TNIK: variants seen among roughly 807,000 people sequenced by gnomAD.
TNIK encodes the protein TRAF2 and NCK-interacting protein kinase.
Under a neutral mutation model 191.3 loss-of-function variants are expected in TNIK, and 49 were observed. The observed-to-expected ratio is 0.26, with a 90% CI of 0.20 to 0.32. TNIK has a LOEUF of 0.32. Among genes scored for constraint, TNIK ranks in the 10% least tolerant of loss-of-function variants. The pLI is 1.00. For synonymous variants in TNIK, 594 were observed against 600.9 expected (o/e 0.99, Z 0.17); for missense variants, 1,155 against 1,702.3 (o/e 0.68, Z 5.66).
intron 3 of TNIK, among the ~76,000 whole-genome samples, chr3:171,213,522 CAG>C (rs1427683568): frequency 6.6e-6 from 1 of 151,904 alleles, no homozygotes; most frequent in Non-Finnish European, 1.5e-5. Flanking sequence ...GTGGGAAAGA[CAG>C]GGGAGGGGGG....
intron 1 of TNIK, among the ~76,000 whole-genome samples, chr3:171,457,239 T>C (rs1728892862): frequency 6.6e-6 from 1 of 152,268 alleles, no homozygotes. Flanking sequence ...GTTTAAATTA[T>C]GCATTGTTGC....
intron 7 of TNIK, among the ~76,000 whole-genome samples, chr3:171,179,660 C>T (rs746631764): frequency 3.3e-5 from 5 of 152,112 alleles, no homozygotes; most frequent in African/African-American, 4.8e-5. Context: ...CAGTGTTAGT[C>T]AGGATGGTCT....
chr3:171,343,853 G>A (rs1489625954), intron 2 of TNIK, among the ~76,000 whole-genome samples: 1 of 152,110 alleles, frequency 6.6e-6, no homozygotes. Context: ...TACCCAAAAG[G>A]CATAAATGAG....
At chr3:171,292,677 G>A (rs2108241353) in intron 2 of TNIK, among the ~76,000 whole-genome samples, 1 of 150,908 alleles carries the variant, frequency 6.6e-6, no homozygotes, top group East Asian at 1.9e-4. Flanking sequence ...TCGGGAGGCT[G>A]AGGCAGGAGA....
At chr3:171,422,842 T>C (rs1724009409) in intron 1 of TNIK, among the ~76,000 whole-genome samples, 1 of 152,232 alleles carries the variant, frequency 6.6e-6, no homozygotes, top group Non-Finnish European at 1.5e-5. Context: ...CTTTGAACAA[T>C]GGATATCTTC....
intron 2 of TNIK, among the ~76,000 whole-genome samples, chr3:171,276,911 T>C (rs1405404514): frequency 6.6e-6 from 1 of 152,230 alleles, no homozygotes; most frequent in Non-Finnish European, 1.5e-5. Context: ...TAAATTCCTA[T>C]CTATTTTAGC....
Position 171,125,894 on chromosome 3 carries a change from C to A in TNIK, c.2013+18G>T. 6.2e-7 allele frequency: 1 copy of A among 1,612,844 alleles called. No homozygotes were observed. The highest frequency in any genetic ancestry group is 8.5e-7 in the Non-Finnish European group (1 of 1,179,500). On this transcript the variant is annotated intron_variant, in intron 17 of 32. Transcript: ENST00000436636. The stretch of plus-strand genomic sequence containing the variant: ...CAGTGATGCTGGTGATTAAAAAAAA[C>A]ACCCCAGTAAATATTACCTTTGGTG...
intron 2 of TNIK, among the ~76,000 whole-genome samples, chr3:171,335,592 A>G (rs1756878520): frequency 6.6e-6 from 1 of 152,212 alleles, no homozygotes; most frequent in Non-Finnish European, 1.5e-5. Flanking sequence ...TGTTGCATGT[A>G]TCAGTAGCTC....
At chr3:171,377,210 C>T (rs11922815) in intron 1 of TNIK, among the ~76,000 whole-genome samples, 17,382 of 152,232 alleles carry the variant, frequency 0.11, 1,105 homozygotes, top group Middle Eastern at 0.2. Context: ...ACTGGCAGAA[C>T]ACAGCCAAAC....
intron 4 of TNIK, among the ~76,000 whole-genome samples, chr3:171,195,956 T>C (rs956055472): frequency 6.6e-5 from 10 of 152,216 alleles, no homozygotes; most frequent in African/African-American, 1.9e-4. Context: ...TGGTGAAAGA[T>C]GGGATAATCT....
At chr3:171,183,967 T>C (rs917217358) in intron 7 of TNIK, among the ~76,000 whole-genome samples, 1 of 144,644 alleles carries the variant, frequency 6.9e-6, no homozygotes, top group Non-Finnish European at 1.5e-5. Context: ...AATACTTCCA[T>C]ATGATAACAT....
intron 1 of TNIK, among the ~76,000 whole-genome samples, chr3:171,447,304 CAAG>C (rs1727631870): frequency 8.4e-6 from 1 of 119,388 alleles, no homozygotes; most frequent in Admixed American, 8.0e-5. Context: ...AGGTTTTAGG[CAAG>C]AAAAAAAAAA....
Position 171,060,812 on chromosome 3 carries a change from C to T in TNIK, c.*3069G>A, listed in dbSNP as rs1717747409. Among the ~76,000 whole-genome samples the T allele has an allele frequency of 6.6e-6, 1 of 152,078 alleles. No homozygotes were observed. Among genetic ancestry groups the T allele is most frequent in the Non-Finnish European group, 1.5e-5 (1 of 68,010 alleles). On this transcript the variant is annotated 3_prime_UTR_variant, in exon 33 of 33. Coordinates refer to ENST00000436636, the MANE Select transcript of TNIK (RefSeq NM_015028.4). ...GCACCCAGGAATGATGGTCACCTGC[C>T]AGACCCCAGACCCAGACTATGGTGT...
intron 23 of TNIK, among the ~76,000 whole-genome samples, chr3:171,091,254 A>G (rs898909448): frequency 2.0e-5 from 3 of 152,196 alleles, no homozygotes; most frequent in Non-Finnish European, 2.9e-5. Flanking sequence ...GGACCTGAAC[A>G]AAACAAAAGG....
In TNIK at chr3:171,380,699, T is replaced by G. The variant is rs552981578; in HGVS notation, c.58-11014A>C. On this transcript the variant is annotated intron_variant, in intron 1 of 32. Coordinates refer to ENST00000436636, the MANE Select transcript of TNIK (RefSeq NM_015028.4). ...CCTCTTCACAATACAGTGAGCTTCC[T>G]TCTTTGCCCTTTGCAGAGGGAACCT... Among the ~76,000 whole-genome samples the G allele has an allele frequency of 3.0e-3, 380 of 124,696 alleles. 5 individuals carry two copies. The East Asian group carries it at 0.083, about 27-fold the overall frequency. The allele number at this position is 124,696 out of a possible 152,430, so 81.8% of individuals were successfully genotyped here.
At chr3:171,458,254 G>A (rs1243411159) in intron 1 of TNIK, among the ~76,000 whole-genome samples, 1 of 150,434 alleles carries the variant, frequency 6.6e-6, no homozygotes, top group Non-Finnish European at 1.5e-5. Context: ...GTAGAAAGTA[G>A]GGCAAATGAA....
At chr3:171,278,562 A>T (rs1002429061) in intron 2 of TNIK, among the ~76,000 whole-genome samples, 1 of 152,214 alleles carries the variant, frequency 6.6e-6, no homozygotes, top group Non-Finnish European at 1.5e-5. Flanking sequence ...GGTCTTTCTC[A>T]TCACAATCCT....
intron 9 of TNIK, among the ~76,000 whole-genome samples, chr3:171,171,914 A>G (rs775910418): frequency 5.9e-5 from 9 of 152,178 alleles, no homozygotes; most frequent in Non-Finnish European, 1.0e-4. Context: ...CACAAAGGTT[A>G]CAACCCTCCC....
chr3:171,147,205 C>T (rs1302829760), intron 12 of TNIK, among the ~76,000 whole-genome samples: 5 of 152,124 alleles, frequency 3.3e-5, no homozygotes, highest in African/African-American at 4.8e-5. Flanking sequence ...GACAGGAAAA[C>T]GGCTGGTGCA....
Sources: gnomAD v4.1 joint callset for allele counts (sites outside exome capture counted in the v4.1 genomes callset) on GRCh38, gnomAD v4.1.1 for gene constraint, MANE v1.5 for transcripts, NCBI Gene and HGNC (gene_info 2026-07-23, HGNC 2026-07-21) for gene names.